ACYP2: variants seen among roughly 807,000 people sequenced by gnomAD.
The protein encoded by ACYP2 is acylphosphatase 2.
Under a neutral mutation model 11.2 loss-of-function variants are expected in ACYP2, and 12 were observed. That is an observed-to-expected ratio of 1.08 (90% CI 0.69 to 1.74). The LOEUF is 1.74. ACYP2 is among the 40% of genes most tolerant of loss of function. The probability of loss-of-function intolerance (pLI) is 0.00; values close to 1 mark genes in which losing one functional copy is unlikely to be tolerated. For missense variants in ACYP2, 134 were observed against 101.9 expected, an observed-to-expected ratio of 1.31 and a Z score of -1.35; for synonymous variants, 43 against 32.2, an observed-to-expected ratio of 1.33 and a Z score of -1.13.
At chr2:54,304,634 T>G in intron 6 of ACYP2, 54 bp from the exon 4 acceptor site, 1 of 1,309,990 alleles carries the variant, frequency 7.6e-7, no homozygotes, top group Non-Finnish European at 1.1e-6. Context: ...TCATTTTAGC[T>G]GATCCATGTA....
chr2:54,226,277 C>T (rs1686007696), intron 6 of ACYP2, among the ~76,000 whole-genome samples: 1 of 152,182 alleles, frequency 6.6e-6, no homozygotes, highest in South Asian at 2.1e-4. Flanking sequence ...AAAATGGACT[C>T]TCCTGGATAA....
chr2:54,123,652 A>T (rs1439675358), intron 4 of ACYP2, among the ~76,000 whole-genome samples: 1 of 151,852 alleles, frequency 6.6e-6, no homozygotes, highest in African/African-American at 2.4e-5. Context: ...ATCCCCTGGC[A>T]TGTTAAAGTG....
chr2:54,068,416 G>A (rs1255588005), intron 4 of ACYP2, among the ~76,000 whole-genome samples: 2 of 152,150 alleles, frequency 1.3e-5, no homozygotes, highest in Non-Finnish European at 2.9e-5. Flanking sequence ...TTTCTCTTAG[G>A]ACTTGAGAGG....
chr2:53,976,117 A>C (rs1671472126), intron 2 of ACYP2, among the ~76,000 whole-genome samples: 1 of 152,262 alleles, frequency 6.6e-6, no homozygotes, highest in Non-Finnish European at 1.5e-5. Context: ...TATTAGTGTC[A>C]CATCTTGCCC....
rs902093862 is a variant in ACYP2 at position 53,971,312 on chromosome 2, C to G, written c.-46C>G. The G allele has an allele frequency of 6.5e-6, 1 of 152,732 alleles. No individual in the cohort carries two copies. The highest frequency in any genetic ancestry group is 6.5e-5 in the Admixed American group (1 of 15,294). 9.5% of individuals were successfully genotyped at this position (152,732 alleles called of 1,614,324 possible). A position where few individuals can be genotyped will look rare whatever the true frequency, so the allele number is the denominator to read the frequency against. On this transcript the variant is annotated 5_prime_UTR_variant, in exon 1 of 7. Coordinates refer to ENST00000607452, the MANE Select transcript of ACYP2 (RefSeq NM_001320586.2). ...CTGGAGTCCCAGTCGCCACGACAGG[C>G]GGCAGCCAGGTCGGCCTGGTCCCCC...
intron 2 of ACYP2, among the ~76,000 whole-genome samples, chr2:53,994,564 G>A (rs1005970880): frequency 6.0e-5 from 9 of 151,114 alleles, no homozygotes; most frequent in East Asian, 1.9e-4. Flanking sequence ...GTCATGCTGG[G>A]GTGGACTATG....
chr2:54,292,617 C>T (rs1689356107), intron 6 of ACYP2, among the ~76,000 whole-genome samples: 2 of 151,652 alleles, frequency 1.3e-5, no homozygotes, highest in Admixed American at 6.6e-5. Flanking sequence ...GCCAGTTTTG[C>T]ATCTATTAAC....
chr2:54,174,091 A>G (rs1247168808), intron 6 of ACYP2, among the ~76,000 whole-genome samples: 7 of 152,138 alleles, frequency 4.6e-5, no homozygotes, highest in African/African-American at 7.2e-5. Context: ...AGCTTGATGG[A>G]GATGGCATTG....
At chr2:54,191,543 C>A (rs863621) in intron 6 of ACYP2, among the ~76,000 whole-genome samples, 1 of 152,100 alleles carries the variant, frequency 6.6e-6, no homozygotes, top group Non-Finnish European at 1.5e-5. Flanking sequence ...ATTAACCTTT[C>A]TGAGCCTCAG....
chr2:54,219,902 TATA>T (rs1349010223), intron 6 of ACYP2, among the ~76,000 whole-genome samples: 157 of 115,486 alleles, frequency 1.4e-3, no homozygotes, highest in Non-Finnish European at 2.2e-3. Flanking sequence ...TATATATATA[TATA>T]TTTTTTTTTT....
chr2:54,050,286 G>C (rs1322484780), intron 2 of ACYP2, among the ~76,000 whole-genome samples: 1 of 152,064 alleles, frequency 6.6e-6, no homozygotes, highest in Non-Finnish European at 1.5e-5. Context: ...TGTGGCTCTT[G>C]CCTGTAATCT....
At chr2:54,028,034 G>T (rs563280586) in intron 2 of ACYP2, among the ~76,000 whole-genome samples, 1 of 151,500 alleles carries the variant, frequency 6.6e-6, no homozygotes, top group South Asian at 2.1e-4. Context: ...GTAGAGATAG[G>T]GTTTCACCAT....
At chr2:54,116,895 G>A (rs576931687) in intron 4 of ACYP2, among the ~76,000 whole-genome samples, 12 of 152,230 alleles carry the variant, frequency 7.9e-5, no homozygotes, top group Admixed American at 4.6e-4. Context: ...CTCAAGTGGC[G>A]GGGTGAATAA....
intron 4 of ACYP2, among the ~76,000 whole-genome samples, chr2:54,120,394 T>G (rs1418893869): frequency 6.6e-6 from 1 of 152,182 alleles, no homozygotes; most frequent in African/African-American, 2.4e-5. Context: ...TCTGAAAATT[T>G]GAAAGGGAAA....
intron 4 of ACYP2, among the ~76,000 whole-genome samples, chr2:54,080,658 T>A (rs1238177609): frequency 6.6e-6 from 1 of 152,088 alleles, no homozygotes; most frequent in Non-Finnish European, 1.5e-5. Flanking sequence ...CCAGGTAATT[T>A]TTGTATTTTT....
chr2:54,133,246 GC>G (rs1681020272), intron 4 of ACYP2, among the ~76,000 whole-genome samples: 2 of 152,224 alleles, frequency 1.3e-5, no homozygotes, highest in South Asian at 4.1e-4. Flanking sequence ...TGTGAGTCTG[GC>G]CTCTCTTACT....
chr2:54,170,990 G>A (rs991307451), intron 6 of ACYP2, among the ~76,000 whole-genome samples: 50 of 152,232 alleles, frequency 3.3e-4, no homozygotes, highest in African/African-American at 1.2e-3. Context: ...TACTGGAGTG[G>A]CTGGTTGTAC....
intron 6 of ACYP2, among the ~76,000 whole-genome samples, chr2:54,163,414 G>A (rs1413282221): frequency 6.6e-6 from 1 of 152,134 alleles, no homozygotes; most frequent in Non-Finnish European, 1.5e-5. Flanking sequence ...GAGACCCTCT[G>A]TTATAATCAG....
At chr2:53,985,998 T>C (rs1350889225) in intron 2 of ACYP2, among the ~76,000 whole-genome samples, 1 of 152,046 alleles carries the variant, frequency 6.6e-6, no homozygotes, top group Admixed American at 6.6e-5. Context: ...TAGCTGGGCA[T>C]GGTGGCGTTC....
Sources: gnomAD v4.1 joint callset for allele counts (sites outside exome capture counted in the v4.1 genomes callset) on GRCh38, gnomAD v4.1.1 for gene constraint, MANE v1.5 for transcripts, NCBI Gene and HGNC (gene_info 2026-07-23, HGNC 2026-07-21) for gene names.